Variants in FGD5 observed in about 807,000 individuals in gnomAD.
FGD5 encodes the protein FYVE, RhoGEF and PH domain containing 5, also known as FYVE, RhoGEF and PH domain-containing protein 5.
FGD5 carries 28 observed loss-of-function variants against 133.4 expected under a neutral mutation model. The observed-to-expected ratio is 0.21, with a 90% CI of 0.16 to 0.29. The LOEUF (loss-of-function observed/expected upper bound fraction) is 0.29, where lower values mean the gene tolerates loss of function less well. FGD5 is among the 10% of genes least tolerant of loss of function. The pLI, the probability that FGD5 is intolerant of heterozygous loss-of-function variation, is 1.00. For synonymous variants in FGD5, 810 were observed against 776.5 expected, an observed-to-expected ratio of 1.04 and a Z score of -0.72; for missense variants, 1,858 against 1,895.2, an observed-to-expected ratio of 0.98 and a Z score of 0.36.
intron 16 of FGD5, among the ~76,000 whole-genome samples, chr3:14,923,664 C>T (rs1204981194): frequency 6.6e-6 from 1 of 152,254 alleles, no homozygotes; most frequent in Admixed American, 6.5e-5. Flanking sequence ...GGTCAAGTTC[C>T]CAGGAAGGAG....
intron 4 of FGD5, chr3:14,882,295 G>C: frequency 1.0e-6 from 1 of 985,278 alleles, no homozygotes; most frequent in Non-Finnish European, 1.2e-6. Flanking sequence ...GTTTTAACTG[G>C]GAAACTTGCA....
intron 1 of FGD5, among the ~76,000 whole-genome samples, chr3:14,823,188 C>T (rs949793523): frequency 1.3e-5 from 2 of 152,242 alleles, no homozygotes; most frequent in Admixed American, 6.5e-5. Flanking sequence ...AGACCCATCC[C>T]CCAGCTGAGT....
chr3:14,853,266 G>C (rs1338203222), intron 1 of FGD5, among the ~76,000 whole-genome samples: 4 of 152,216 alleles, frequency 2.6e-5, no homozygotes, highest in Non-Finnish European at 5.9e-5. Context: ...AGGTGCTGGG[G>C]TGCTGAGGGG....
At position 14,917,212 on chromosome 3, in the gene FGD5, G is replaced by A; in HGVS notation, c.3406-37G>A. ...GACAGAAGCCTGGCGCAGCCTTCTG[G>A]GGCCAGGGTCCTCTCATAGGGTTTC... On this transcript the variant is annotated intron_variant, in intron 11 of 19. Coordinates refer to ENST00000285046, the MANE Select transcript of FGD5 (RefSeq NM_152536.4). This position sits in a 1 kb window ranked among gnomAD's most constrained non-coding sequence, Gnocchi z 4.1. The A allele has an allele frequency of 6.3e-7, 1 of 1,589,752 alleles. No homozygotes were observed. Among genetic ancestry groups the A allele is most frequent in the Non-Finnish European group, 8.6e-7 (1 of 1,164,760 alleles).
chr3:14,853,842 CTCAT>C (rs2037218287), intron 1 of FGD5, among the ~76,000 whole-genome samples: 1 of 88,222 alleles, frequency 1.1e-5, no homozygotes, highest in Non-Finnish European at 2.3e-5. Flanking sequence ...AAGGACTAGG[CTCAT>C]TTGGAGCCTA....
Position 14,928,416 on chromosome 3 carries a change from A to G in FGD5, c.4197+2218A>G, listed in dbSNP as rs189981198. Reference sequence around the variant, plus strand: ...TTCTTTATTATATTTATTGTTTATAAATATTTTCAAACATAAAGGAATGTT... The same window carrying G: ...TTCTTTATTATATTTATTGTTTATAGATATTTTCAAACATAAAGGAATGTT... On this transcript the variant is annotated intron_variant, in intron 18 of 19. Coordinates refer to ENST00000285046, the MANE Select transcript of FGD5 (RefSeq NM_152536.4). 2.0e-3 allele frequency among the ~76,000 whole-genome samples: 297 copies of G among 152,224 alleles called. 1 individual carries two copies. The highest frequency in any genetic ancestry group is 6.9e-3 in the African/African-American group (288 of 41,550).
At chr3:14,918,726 C>G in intron 12 of FGD5, 28 bp from the exon 13 acceptor site, 1 of 1,613,390 alleles carries the variant, frequency 6.2e-7, no homozygotes, top group East Asian at 2.2e-5. Flanking sequence ...CTGCCCCACC[C>G]TGAAGGAGGC....
chr3:14,895,048 G>A (rs766554288), intron 4 of FGD5, among the ~76,000 whole-genome samples: 4 of 151,948 alleles, frequency 2.6e-5, no homozygotes, highest in South Asian at 2.1e-4. Flanking sequence ...TTTTTAAATC[G>A]GATTATTTGG....
chr3:14,906,079 C>T (rs1041418589), intron 9 of FGD5, among the ~76,000 whole-genome samples: 1 of 152,124 alleles, frequency 6.6e-6, no homozygotes, highest in Non-Finnish European at 1.5e-5. Flanking sequence ...CTGCTGTGAC[C>T]TGTGGGGTAG....
intron 9 of FGD5, among the ~76,000 whole-genome samples, chr3:14,903,584 G>C (rs923447204): frequency 1.8e-4 from 25 of 142,830 alleles, no homozygotes; most frequent in African/African-American, 4.7e-4. Context: ...TTTCCCACCT[G>C]TGAGTGAGAA....
chr3:14,892,479 G>A (rs2038048336), intron 4 of FGD5, among the ~76,000 whole-genome samples: 1 of 152,148 alleles, frequency 6.6e-6, no homozygotes, highest in Admixed American at 6.5e-5. Context: ...GATTACAGAT[G>A]TGAACCACTG....
At chr3:14,813,603 C>T (rs2036326622) in intron 1 of FGD5, among the ~76,000 whole-genome samples, 1 of 152,118 alleles carries the variant, frequency 6.6e-6, no homozygotes, top group Non-Finnish European at 1.5e-5. Context: ...TAAGAAGAGC[C>T]AGGAGTTTAG....
rs2038426390 is a variant in FGD5, at chr3:14,910,410, T to C, written c.3337-451T>C. On this transcript the variant is annotated intron_variant, in intron 10 of 19. Transcript: ENST00000285046. ...TTCCTGTGATTGTGATTTTCAGAATTTTGTGAGTGTTTTGTTTTTTGAGAC... is the reference window on the plus strand; with the variant it reads ...TTCCTGTGATTGTGATTTTCAGAATCTTGTGAGTGTTTTGTTTTTTGAGAC... Among the ~76,000 whole-genome samples, 3 of 152,136 alleles carry C rather than the reference T, an allele frequency of 2.0e-5. No individual in the cohort carries two copies. The South Asian group carries it at 6.2e-4, about 32-fold the overall frequency.
intron 1 of FGD5, among the ~76,000 whole-genome samples, chr3:14,844,220 ATATATATATATATATATATATATATAT>A (rs2036993837): frequency 0.011 from 186 of 16,350 alleles, 19 homozygotes; most frequent in African/African-American, 0.023. Context: ...AAAAAAAAAT[ATATATATATATATATATATATATATAT>A]ATATATATAT....
intron 1 of FGD5, among the ~76,000 whole-genome samples, chr3:14,846,414 C>T (rs1203233413): frequency 6.6e-6 from 1 of 152,188 alleles, no homozygotes; most frequent in Non-Finnish European, 1.5e-5. Flanking sequence ...TGGTCTCTGT[C>T]CTGGCATGTG....
In FGD5 at chr3:14,917,893, T is replaced by C. The variant is rs1419191406; in HGVS notation, c.3489+561T>C. ...TTTCTATGTCCATGAATTTGACTAC[T>C]ATGGGTACCTCGAATGAGGAGTCAC... On this transcript the variant is annotated intron_variant, in intron 12 of 19. Coordinates refer to ENST00000285046, the MANE Select transcript of FGD5 (RefSeq NM_152536.4). The surrounding 1 kb of genome is among the most constrained non-coding windows in gnomAD (Gnocchi z 4.1). Among the ~76,000 whole-genome samples the C allele has an allele frequency of 6.6e-6, 1 of 152,216 alleles. No homozygotes were observed. The highest frequency in any genetic ancestry group is 1.5e-5 in the Non-Finnish European group (1 of 68,032).
chr3:14,892,329 G>A (rs2038045551), intron 4 of FGD5, among the ~76,000 whole-genome samples: 2 of 152,000 alleles, frequency 1.3e-5, no homozygotes, highest in African/African-American at 2.4e-5. Context: ...AGTGTCCCAA[G>A]TAGCTGGAAC....
At chr3:14,916,840 C>T (rs1213345948) in intron 11 of FGD5, among the ~76,000 whole-genome samples, 1 of 152,222 alleles carries the variant, frequency 6.6e-6, no homozygotes, top group Non-Finnish European at 1.5e-5. Context: ...CTTCTTCACT[C>T]AGCATGATTT....
At chr3:14,840,932 A>G (rs1040378543) in intron 1 of FGD5, among the ~76,000 whole-genome samples, 1 of 152,206 alleles carries the variant, frequency 6.6e-6, no homozygotes, top group African/African-American at 2.4e-5. Flanking sequence ...TAAATTAATA[A>G]AAGTTACTCT....
Sources: gnomAD v4.1 joint callset for allele counts (sites outside exome capture counted in the v4.1 genomes callset) on GRCh38, gnomAD v4.1.1 for gene constraint, Gnocchi (gnomAD v3.1) non-coding constraint, MANE v1.5 for transcripts, NCBI Gene and HGNC (gene_info 2026-07-23, HGNC 2026-07-21) for gene names.